ERBB4: variants seen among roughly 807,000 people sequenced by gnomAD.
The protein encoded by ERBB4 is erb-b2 receptor tyrosine kinase 4.
ERBB4 carries 42 observed loss-of-function variants against 158.0 expected under a neutral mutation model. The observed-to-expected ratio is 0.27, with a 90% confidence interval of 0.21 to 0.34. ERBB4 has a LOEUF of 0.34. Ranked by LOEUF, ERBB4 falls within the 10% of genes least tolerant of loss-of-function variation. The probability of loss-of-function intolerance (pLI) is 1.00; values close to 1 mark genes in which losing one functional copy is unlikely to be tolerated. For synonymous variants in ERBB4, 583 were observed against 558.7 expected (o/e 1.04, Z -0.61); for missense variants, 1,333 against 1,624.1 (o/e 0.82, Z 3.08).
At chr2:211,772,945 ATATATATATAT>A (rs1448233036) in intron 4 of ERBB4, among the ~76,000 whole-genome samples, 1 of 88,936 alleles carries the variant, frequency 1.1e-5, no homozygotes, top group African/African-American at 6.5e-5. Flanking sequence ...ATATATATAT[ATATATATATAT>A]TTTTTTTTTT....
At chr2:211,989,156 G>A (rs966927865) in intron 2 of ERBB4, among the ~76,000 whole-genome samples, 1 of 151,838 alleles carries the variant, frequency 6.6e-6, no homozygotes, top group African/African-American at 2.4e-5. Context: ...TTTACCAGAT[G>A]ACCTACTTTG....
At chr2:212,182,702 C>T (rs895204968) in intron 1 of ERBB4, among the ~76,000 whole-genome samples, 1 of 151,826 alleles carries the variant, frequency 6.6e-6, no homozygotes. Flanking sequence ...TGAAATTAAA[C>T]ATAGGTGGGA....
intron 20 of ERBB4, among the ~76,000 whole-genome samples, chr2:211,486,534 T>A (rs2065207778): frequency 6.6e-6 from 1 of 152,172 alleles, no homozygotes; most frequent in Non-Finnish European, 1.5e-5. Context: ...ATTCAAAATA[T>A]GAAAATGAGT....
intron 2 of ERBB4, among the ~76,000 whole-genome samples, chr2:212,023,824 C>A (rs1049751117): frequency 1.3e-5 from 2 of 151,634 alleles, no homozygotes; most frequent in Non-Finnish European, 2.9e-5. Flanking sequence ...GGAAAGGAAA[C>A]GTACCTTTTG....
chr2:212,311,508 T>C (rs2087044091), intron 1 of ERBB4, among the ~76,000 whole-genome samples: 2 of 150,870 alleles, frequency 1.3e-5, no homozygotes, highest in African/African-American at 4.8e-5. Context: ...TCTGAATATG[T>C]CACTATGTTT....
chr2:212,098,649 A>G (rs2078997640), intron 2 of ERBB4, among the ~76,000 whole-genome samples: 2 of 152,116 alleles, frequency 1.3e-5, no homozygotes, highest in South Asian at 4.1e-4. Context: ...TCCAATTAGA[A>G]AATTCCCAGT....
intron 19 of ERBB4, among the ~76,000 whole-genome samples, chr2:211,567,199 A>C (rs1271283634): frequency 6.6e-6 from 1 of 152,240 alleles, no homozygotes; most frequent in African/African-American, 2.4e-5. Context: ...TAGCAGGATC[A>C]GTAAACACTC....
chr2:211,489,254 C>G (rs1033033703), intron 20 of ERBB4, among the ~76,000 whole-genome samples: 1 of 151,924 alleles, frequency 6.6e-6, no homozygotes, highest in African/African-American at 2.4e-5. Flanking sequence ...AAAATGTTTT[C>G]TAACTGCAAC....
At chr2:212,130,909 T>TA (rs1182994696) in intron 1 of ERBB4, among the ~76,000 whole-genome samples, 2 of 152,170 alleles carry the variant, frequency 1.3e-5, no homozygotes, top group African/African-American at 2.4e-5. Flanking sequence ...TGGAACTTGA[T>TA]AAAAAATTCT....
chr2:211,754,496 G>C (rs912188098), intron 4 of ERBB4, among the ~76,000 whole-genome samples: 2 of 150,748 alleles, frequency 1.3e-5, no homozygotes, highest in African/African-American at 2.4e-5. Context: ...CTGCCTCCCA[G>C]GTTCAAGCAA....
chr2:212,022,099 T>C (rs2125329717), intron 2 of ERBB4, among the ~76,000 whole-genome samples: 2 of 152,324 alleles, frequency 1.3e-5, no homozygotes, highest in Non-Finnish European at 2.9e-5. Context: ...TCAACCATTG[T>C]GGAAGACAGT....
chr2:212,040,672 T>G (rs1454658662), intron 2 of ERBB4, among the ~76,000 whole-genome samples: 1 of 151,984 alleles, frequency 6.6e-6, no homozygotes, highest in Admixed American at 6.6e-5. Context: ...TCATAAGCAT[T>G]TGGGATATTC....
intron 1 of ERBB4, among the ~76,000 whole-genome samples, chr2:212,516,785 G>A (rs1311302969): frequency 6.6e-6 from 1 of 152,066 alleles, no homozygotes; most frequent in Non-Finnish European, 1.5e-5. Context: ...TCAAATCATT[G>A]AATTAAGGAG....
intron 1 of ERBB4, among the ~76,000 whole-genome samples, chr2:212,192,074 A>ATGT (rs1553589295): frequency 2.3e-5 from 2 of 87,304 alleles, no homozygotes; most frequent in Non-Finnish European, 4.6e-5. Context: ...GTTATATGTT[A>ATGT]TATATATTAT....
chr2:211,780,401 T>C (rs1380593022), intron 4 of ERBB4, among the ~76,000 whole-genome samples: 3 of 152,048 alleles, frequency 2.0e-5, no homozygotes, highest in Non-Finnish European at 4.4e-5. Flanking sequence ...AAAATAAAGA[T>C]GTATATTGAA....
chr2:212,400,107 T>A (rs2091158534), intron 1 of ERBB4, among the ~76,000 whole-genome samples: 1 of 152,122 alleles, frequency 6.6e-6, no homozygotes, highest in African/African-American at 2.4e-5. Flanking sequence ...AGTGGCAAGA[T>A]GTGTGGTTAG....
chr2:211,729,732 A>C (rs551931690), intron 5 of ERBB4, among the ~76,000 whole-genome samples: 77 of 152,024 alleles, frequency 5.1e-4, no homozygotes, highest in African/African-American at 1.7e-3. Flanking sequence ...AATCAATGAG[A>C]TAAGTCAGCC....
intron 17 of ERBB4, among the ~76,000 whole-genome samples, chr2:211,626,881 C>T (rs1451407964): frequency 1.3e-5 from 2 of 151,114 alleles, no homozygotes; most frequent in South Asian, 2.1e-4. Context: ...GCCGAGATCG[C>T]GCCACTGCAC....
At chr2:211,459,179 T>C (rs1275899576) in intron 20 of ERBB4, among the ~76,000 whole-genome samples, 1 of 152,222 alleles carries the variant, frequency 6.6e-6, no homozygotes, top group Non-Finnish European at 1.5e-5. Context: ...AGTCAGCATA[T>C]GTCAGTGTTC....
Sources: gnomAD v4.1 joint callset for allele counts (sites outside exome capture counted in the v4.1 genomes callset) on GRCh38, gnomAD v4.1.1 for gene constraint, MANE v1.5 for transcripts, NCBI Gene and HGNC (gene_info 2026-07-23, HGNC 2026-07-21) for gene names.